The following MPHOSPH6 variants were observed in gnomAD, a reference collection of about 807,000 sequenced individuals.
MPHOSPH6 encodes the protein M-phase phosphoprotein 6.
In MPHOSPH6, 25 loss-of-function variants were observed where a neutral mutation model predicts 21.8. The ratio of observed to expected loss-of-function variants is 1.15; its 90% CI spans 0.83 to 1.60. The LOEUF (loss-of-function observed/expected upper bound fraction) is 1.60. MPHOSPH6 is among the 40% of genes most tolerant of loss of function. The pLI is 0.00. For synonymous variants in MPHOSPH6, 84 were observed against 56.5 expected (o/e 1.49, Z -2.18); for missense variants, 269 against 181.8 (o/e 1.48, Z -2.76).
chr16:82,159,097 C>T (rs1278939131), intron 2 of MPHOSPH6, among the ~76,000 whole-genome samples: 1 of 152,176 alleles, frequency 6.6e-6, no homozygotes, highest in Non-Finnish European at 1.5e-5. Flanking sequence ...TGAGATACTC[C>T]TCTCTTTTCA....
chr16:82,151,292 A>G (rs1239225976), intron 3 of MPHOSPH6, 132 bp downstream of exon 3: 3 of 1,302,336 alleles, frequency 2.3e-6, no homozygotes, highest in South Asian at 1.3e-5. Context: ...AGCTATGGCG[A>G]TATTTCAAGA....
intron 3 of MPHOSPH6, among the ~76,000 whole-genome samples, 180 bp from the exon 4 acceptor site, chr16:82,149,583 C>A (rs566275438): frequency 6.6e-6 from 1 of 152,098 alleles, no homozygotes; most frequent in South Asian, 2.1e-4. Flanking sequence ...AGCTCTGAGT[C>A]AAAAAAATAG....
At chr16:82,168,630 C>T (rs146883052) in intron 1 of MPHOSPH6, among the ~76,000 whole-genome samples, 29 of 152,206 alleles carry the variant, frequency 1.9e-4, no homozygotes, top group Non-Finnish European at 4.0e-4. Flanking sequence ...GCCACTAGGC[C>T]TGGCTAATAT....
intron 2 of MPHOSPH6, among the ~76,000 whole-genome samples, chr16:82,153,119 A>G (rs1906319963): frequency 1.3e-5 from 2 of 151,624 alleles, no homozygotes. Context: ...AGTGTCAAAC[A>G]CTCACCTCCA....
At chr16:82,161,219 G>A (rs775822738) in intron 2 of MPHOSPH6, among the ~76,000 whole-genome samples, 9 of 152,094 alleles carry the variant, frequency 5.9e-5, no homozygotes, top group Non-Finnish European at 8.8e-5. Context: ...TCTGTCTTTT[G>A]TTACAGGGAC....
intron 2 of MPHOSPH6, chr16:82,163,743 G>C (rs1202062364): frequency 5.6e-6 from 1 of 178,012 alleles, no homozygotes; most frequent in Non-Finnish European, 1.2e-5. Context: ...CAAAACTGGA[G>C]AGACCTGAAG....
intron 1 of MPHOSPH6, among the ~76,000 whole-genome samples, chr16:82,169,023 G>C (rs554453689): frequency 6.6e-6 from 1 of 152,300 alleles, no homozygotes; most frequent in Admixed American, 6.5e-5. Context: ...GCTGTAAGAA[G>C]AGAGTTACTG....
chr16:82,160,403 C>T (rs1205187229), intron 2 of MPHOSPH6, among the ~76,000 whole-genome samples: 3 of 152,144 alleles, frequency 2.0e-5, no homozygotes, highest in Non-Finnish European at 2.9e-5. Context: ...AGTTAGAAAA[C>T]CCTTCTCAGT....
At chr16:82,163,055 G>C (rs1005696053) in intron 2 of MPHOSPH6, among the ~76,000 whole-genome samples, 2 of 152,098 alleles carry the variant, frequency 1.3e-5, no homozygotes, top group Non-Finnish European at 2.9e-5. Context: ...GAGAAGCAGA[G>C]AAAAAAAGTA....
intron 2 of MPHOSPH6, among the ~76,000 whole-genome samples, chr16:82,159,881 G>A (rs918485663): frequency 6.6e-6 from 1 of 152,154 alleles, no homozygotes; most frequent in African/African-American, 2.4e-5. Flanking sequence ...TTGCTGTTCA[G>A]CTTTTTCTAT....
intron 1 of MPHOSPH6, 110 bp from the exon 2 acceptor site, chr16:82,164,304 C>T: frequency 1.4e-6 from 1 of 716,086 alleles, no homozygotes. Context: ...CTATGGAACC[C>T]ATCTCAAGAT....
intron 1 of MPHOSPH6, 128 bp downstream of exon 1, chr16:82,169,997 A>C: frequency 1.9e-6 from 2 of 1,063,454 alleles, no homozygotes; most frequent in Non-Finnish European, 2.6e-6. Flanking sequence ...TGAATGAATG[A>C]GCACGAGAGC....
At chr16:82,165,446 T>C (rs1226395792) in intron 1 of MPHOSPH6, among the ~76,000 whole-genome samples, 1 of 151,996 alleles carries the variant, frequency 6.6e-6, no homozygotes, top group East Asian at 1.9e-4. Flanking sequence ...TTCTCCTCCT[T>C]CTATTCCACC....
chr16:82,157,982 G>A (rs1906482187), intron 2 of MPHOSPH6, among the ~76,000 whole-genome samples: 1 of 152,128 alleles, frequency 6.6e-6, no homozygotes, highest in Non-Finnish European at 1.5e-5. Flanking sequence ...AAGCAACTCT[G>A]GGTAAAACGA....
At chr16:82,154,983 T>C (rs1906384587) in intron 2 of MPHOSPH6, among the ~76,000 whole-genome samples, 1 of 152,214 alleles carries the variant, frequency 6.6e-6, no homozygotes, top group Non-Finnish European at 1.5e-5. Context: ...GTCAGCAAAT[T>C]GAATTTAAAA....
At chr16:82,158,603 T>C (rs1906508726) in intron 2 of MPHOSPH6, among the ~76,000 whole-genome samples, 2 of 151,870 alleles carry the variant, frequency 1.3e-5, no homozygotes, top group South Asian at 4.2e-4. Flanking sequence ...TTTTTCAATG[T>C]CACACCGTAA....
intron 2 of MPHOSPH6, chr16:82,162,319 T>G (rs186343501): frequency 6.6e-6 from 1 of 152,346 alleles, no homozygotes; most frequent in East Asian, 1.9e-4. Flanking sequence ...TCTCCCTATT[T>G]AGAGTGTTAA....
chr16:82,162,751 T>C (rs1253821119), intron 2 of MPHOSPH6, among the ~76,000 whole-genome samples: 4 of 152,192 alleles, frequency 2.6e-5, no homozygotes, highest in Non-Finnish European at 2.9e-5. Flanking sequence ...CCTGAGCTGA[T>C]ATACACACCT....
intron 2 of MPHOSPH6, among the ~76,000 whole-genome samples, chr16:82,153,128 C>CAA (rs1051370961): frequency 6.7e-6 from 1 of 148,982 alleles, no homozygotes; most frequent in Non-Finnish European, 1.5e-5. Flanking sequence ...CACTCACCTC[C>CAA]AAAAAAAAAG....
Sources: gnomAD v4.1 joint callset for allele counts (sites outside exome capture counted in the v4.1 genomes callset) on GRCh38, gnomAD v4.1.1 for gene constraint, MANE v1.5 for transcripts, NCBI Gene and HGNC (gene_info 2026-07-23, HGNC 2026-07-21) for gene names.